EXOC6: variants seen among roughly 807,000 people sequenced by gnomAD.
EXOC6 encodes the protein exocyst complex component 6, also known as SEC15-like 1.
Under a neutral mutation model 112.5 loss-of-function variants are expected in EXOC6, and 60 were observed. That is an observed-to-expected ratio of 0.53 (90% CI 0.43 to 0.66). EXOC6 has a LOEUF of 0.66. Among genes scored for constraint, EXOC6 ranks in the 30% least tolerant of loss-of-function variants. The pLI is 0.00. For synonymous variants in EXOC6, 295 were observed against 308.0 expected (o/e 0.96, Z 0.44); for missense variants, 855 against 957.1 (o/e 0.89, Z 1.41).
intron 17 of EXOC6, among the ~76,000 whole-genome samples, chr10:92,972,545 T>G (rs944893116): frequency 2.0e-5 from 3 of 152,158 alleles, no homozygotes; most frequent in African/African-American, 7.2e-5. Flanking sequence ...ACACCAAATA[T>G]GAGTGTTCCT....
At chr10:92,955,105 T>C (rs1853619468) in intron 16 of EXOC6, among the ~76,000 whole-genome samples, 1 of 151,896 alleles carries the variant, frequency 6.6e-6, no homozygotes, top group Admixed American at 6.6e-5. Context: ...GCCCAGGAGG[T>C]TGAGGCTGCA....
intron 6 of EXOC6, among the ~76,000 whole-genome samples, chr10:92,911,939 G>A (rs1442841628): frequency 9.3e-5 from 1 of 10,752 alleles, no homozygotes; most frequent in Non-Finnish European, 1.4e-4. Flanking sequence ...CTCTGTGTGC[G>A]TGTGTGTGTG....
intron 1 of EXOC6, among the ~76,000 whole-genome samples, chr10:92,842,118 T>C (rs1846877190): frequency 6.6e-6 from 1 of 152,102 alleles, no homozygotes; most frequent in Non-Finnish European, 1.5e-5. Flanking sequence ...CCCACCACTT[T>C]GGGAGGCCGA....
At chr10:92,939,136 G>T (rs557679895) in intron 12 of EXOC6, among the ~76,000 whole-genome samples, 1 of 152,188 alleles carries the variant, frequency 6.6e-6, no homozygotes, top group East Asian at 1.9e-4. Flanking sequence ...CATCTTGTGG[G>T]ACTTCAGTAA....
At chr10:92,978,131 T>C (rs1234499261) in intron 18 of EXOC6, among the ~76,000 whole-genome samples, 1 of 152,148 alleles carries the variant, frequency 6.6e-6, no homozygotes, top group Non-Finnish European at 1.5e-5. Flanking sequence ...AAAAGTGGGC[T>C]GGGTACGTTG....
chr10:92,977,129 G>T (rs895211080), intron 18 of EXOC6, among the ~76,000 whole-genome samples: 1 of 152,086 alleles, frequency 6.6e-6, no homozygotes, highest in Non-Finnish European at 1.5e-5. Flanking sequence ...TGAAAAATCA[G>T]ATCTTGGAGA....
chr10:92,984,894 GA>G lies in EXOC6; in HGVS notation c.1953+10663del, dbSNP rs1384902036. ...CACACCTGTAGTCCCAGCTACTTGG[GA>G]GGCTAAGGTGGGAGGATCGCTTGAG... On this transcript the variant is annotated intron_variant, in intron 18 of 21. Coordinates refer to ENST00000260762, the MANE Select transcript of EXOC6 (RefSeq NM_019053.6). Among the ~76,000 whole-genome samples the G allele has an allele frequency of 2.0e-5, 3 of 152,210 alleles. 1 individual carries two copies. The highest frequency in any genetic ancestry group is 1.9e-4 in the East Asian group (1 of 5,174).
intron 19 of EXOC6, among the ~76,000 whole-genome samples, chr10:93,011,664 T>C (rs1844253997): frequency 6.6e-6 from 1 of 152,198 alleles, no homozygotes; most frequent in Non-Finnish European, 1.5e-5. Flanking sequence ...TACTATGTAA[T>C]ATAAAAGGTA....
At chr10:92,828,803 C>T (rs1846427291) in intron 1 of EXOC6, among the ~76,000 whole-genome samples, 1 of 150,620 alleles carries the variant, frequency 6.6e-6, no homozygotes. Context: ...AAAACTCCAA[C>T]TCCGCCAAGA....
intron 19 of EXOC6, among the ~76,000 whole-genome samples, chr10:93,010,824 C>T (rs1844205175): frequency 6.6e-6 from 1 of 151,906 alleles, no homozygotes; most frequent in Non-Finnish European, 1.5e-5. Flanking sequence ...ATCTGCATGC[C>T]CTATTTACTC....
At chr10:92,972,948 C>T (rs954068461) in intron 17 of EXOC6, among the ~76,000 whole-genome samples, 4 of 152,180 alleles carry the variant, frequency 2.6e-5, no homozygotes, top group African/African-American at 9.7e-5. Flanking sequence ...TTTTCAGAGT[C>T]ATCTGTGGAC....
At chr10:92,933,421 A>C (rs545164472) in intron 9 of EXOC6, among the ~76,000 whole-genome samples, 72 of 152,278 alleles carry the variant, frequency 4.7e-4, no homozygotes, top group Non-Finnish European at 7.4e-4. Flanking sequence ...CTATGCTATA[A>C]AGCAAGTATC....
At chr10:92,848,387 G>C, upstream of EXOC6, 1 of 450,466 alleles carries the variant, frequency 2.2e-6, no homozygotes, top group Non-Finnish European at 3.0e-6. Flanking sequence ...CGGGTCGCGC[G>C]CCTTCTGCCC....
At chr10:92,952,944 G>T (rs1341887555) in intron 15 of EXOC6, among the ~76,000 whole-genome samples, 1 of 152,150 alleles carries the variant, frequency 6.6e-6, no homozygotes, top group Non-Finnish European at 1.5e-5. Context: ...CTTTACTATT[G>T]TGAATAGTGC....
At position 92,957,957 on chromosome 10, in the gene EXOC6, ATCTT is replaced by A. The variant is rs1164823661; in HGVS notation, c.1773+2247_1773+2250del. 2.6e-5 allele frequency among the ~76,000 whole-genome samples: 4 copies of A among 152,238 alleles called. No homozygotes were observed. In the East Asian group the frequency reaches 7.7e-4, roughly 29 times the overall value. ...TTTCAGTTCAGTGACCCTAGAAAAC[ATCTT>A]TCTATTTGATTGCTTAATGATTCTG... On this transcript the variant is annotated intron_variant, in intron 17 of 21. Transcript: ENST00000260762.
At chr10:92,971,980 C>G (rs953640579) in intron 17 of EXOC6, among the ~76,000 whole-genome samples, 1 of 152,176 alleles carries the variant, frequency 6.6e-6, no homozygotes, top group Admixed American at 6.5e-5. Flanking sequence ...TGTGACCTTT[C>G]TGAACTAAAT....
intron 1 of EXOC6, among the ~76,000 whole-genome samples, chr10:92,854,163 G>A (rs1847486130): frequency 6.6e-6 from 1 of 152,100 alleles, no homozygotes; most frequent in Admixed American, 6.5e-5. Context: ...AATGAGGCTG[G>A]GTGTAGTGGC....
intron 5 of EXOC6, among the ~76,000 whole-genome samples, chr10:92,907,504 T>G (rs971416193): frequency 6.6e-6 from 1 of 152,206 alleles, no homozygotes; most frequent in Non-Finnish European, 1.5e-5. Flanking sequence ...GAGGCACAGT[T>G]GTGCTATGAA....
At chr10:92,832,696 T>TC (rs1365988571), upstream of EXOC6, among the ~76,000 whole-genome samples, 1 of 151,248 alleles carries the variant, frequency 6.6e-6, no homozygotes, top group African/African-American at 2.4e-5. Flanking sequence ...AAAGAACTTT[T>TC]TTTTTTTTTT....
Sources: allele counts gnomAD v4.1 joint callset (sites outside exome capture counted in the v4.1 genomes callset), GRCh38; gene constraint gnomAD v4.1.1; transcripts MANE v1.5; gene names NCBI Gene and HGNC (gene_info 2026-07-23, HGNC 2026-07-21).